The following TDRD12 variants were observed in gnomAD, a reference collection of about 807,000 sequenced individuals.
TDRD12 encodes putative ATP-dependent RNA helicase TDRD12.
Under a neutral mutation model 133.5 loss-of-function variants are expected in TDRD12, and 158 were observed. The observed-to-expected ratio is 1.18, with a 90% CI of 1.04 to 1.35. TDRD12 has a LOEUF of 1.35. Ranked by LOEUF, TDRD12 falls within the 40% of genes most tolerant of loss-of-function variation. TDRD12 has a pLI of 0.00. For synonymous variants in TDRD12, 460 were observed against 477.9 expected, an observed-to-expected ratio of 0.96 and a Z score of 0.49; for missense variants, 1,443 against 1,321.3, an observed-to-expected ratio of 1.09 and a Z score of -1.43.
Position 32,804,223 on chromosome 19 carries a change from C to T in TDRD12, c.2552+1081C>T, listed in dbSNP as rs570981876. On this transcript the variant is annotated intron_variant, in intron 21 of 27. Coordinates refer to ENST00000444215, the Ensembl canonical transcript of TDRD12. Reference sequence around the variant, plus strand: ...GAGTAGCTGGGACTACAGGCACCTGCCACCATGCCCAGCTAATTTTTTGTA... The same window carrying T: ...GAGTAGCTGGGACTACAGGCACCTGTCACCATGCCCAGCTAATTTTTTGTA... Among the ~76,000 whole-genome samples the T allele has an allele frequency of 3.3e-3, 497 of 151,786 alleles. 3 individuals carry two copies. The highest frequency in any genetic ancestry group is 0.014 in the Middle Eastern group (4 of 294).
chr19:32,729,792 T>TC (rs1968987459), intron 1 of TDRD12, among the ~76,000 whole-genome samples: 1 of 123,578 alleles, frequency 8.1e-6, no homozygotes, highest in African/African-American at 3.4e-5. Flanking sequence ...TTTTTTTTTT[T>TC]TTTTTTTTTT....
At chr19:32,793,284 A>G (rs1658605769) in intron 13 of TDRD12, among the ~76,000 whole-genome samples, 1 of 152,194 alleles carries the variant, frequency 6.6e-6, no homozygotes, top group South Asian at 2.1e-4. Context: ...TAGAGTGAAG[A>G]CATTTGCAGA....
intron 11 of TDRD12, among the ~76,000 whole-genome samples, chr19:32,779,392 C>G (rs1258924283): frequency 3.9e-5 from 6 of 152,114 alleles, no homozygotes; most frequent in Non-Finnish European, 1.5e-5. Context: ...CGGGCCTGTT[C>G]CTTCATATAA....
Position 32,803,147 on chromosome 19 carries a change from G to C in TDRD12, c.2552+5G>C. The stretch of plus-strand genomic sequence containing the variant: ...GAAGGCTTTTGGTTTTTGCAAGTGA[G>C]CCAGTAATTTGTTTCTTATTAAACT... On this transcript the variant is annotated splice_donor_5th_base_variant and intron_variant, in intron 21 of 27. Coordinates refer to ENST00000444215, the Ensembl canonical transcript of TDRD12. The C allele has an allele frequency of 6.6e-7, 1 of 1,508,962 alleles. No individual in the cohort carries two copies. Among genetic ancestry groups the C allele is most frequent in the South Asian group, 1.3e-5 (1 of 79,302 alleles). The allele number at this position is 1,508,962 out of a possible 1,614,324, so 93.5% of individuals were successfully genotyped here.
In TDRD12 at chr19:32,826,669, G is replaced by C. The variant is rs1487590650; in HGVS notation, c.1049+71G>C. The C allele has an allele frequency of 4.1e-6, 5 of 1,220,766 alleles. No homozygotes were observed. In the East Asian group the frequency reaches 9.7e-5, roughly 24 times the overall value. The allele number at this position is 1,220,766 out of a possible 1,614,324, so 75.6% of individuals were successfully genotyped here. ...CATATTCACGCGCTCACTGTCAGCT[G>C]TTCTCTTGAACAGAACCCCAACGTG... On this transcript the variant is annotated intron_variant, in intron 9 of 9. Coordinates refer to the TDRD12 transcript ENST00000637289.
intron 10 of TDRD12, among the ~76,000 whole-genome samples, chr19:32,774,515 C>G (rs116712457): frequency 1.3e-3 from 197 of 151,440 alleles, no homozygotes; most frequent in African/African-American, 4.4e-3. Flanking sequence ...GATACCTTTG[C>G]TAGGTGTAGA....
At chr19:32,807,917 T>A (rs1322477474) in intron 22 of TDRD12, among the ~76,000 whole-genome samples, 1 of 152,136 alleles carries the variant, frequency 6.6e-6, no homozygotes, top group Non-Finnish European at 1.5e-5. Context: ...TGTTTCTATT[T>A]GGGGGCCATT....
intron 3 of TDRD12, among the ~76,000 whole-genome samples, chr19:32,741,000 G>T (rs1030586488): frequency 6.6e-6 from 1 of 152,218 alleles, no homozygotes; most frequent in East Asian, 1.9e-4. Flanking sequence ...GAGGATGTCA[G>T]TTTAATAAAT....
At position 32,815,446 on chromosome 19, in the gene TDRD12, A is replaced by G. The variant is rs1452076203; in HGVS notation, c.3142-2A>G. 1 of 1,532,764 alleles carries G rather than the reference A, an allele frequency of 6.5e-7. No individual in the cohort carries two copies. Among genetic ancestry groups the G allele is most frequent in the Non-Finnish European group, 8.7e-7 (1 of 1,145,184 alleles). 94.9% of individuals were successfully genotyped at this position (1,532,764 alleles called of 1,614,324 possible). ...AATGTTCAATTTTTTCATTGATTCA[A>G]GGTGCACATTACAAACCTTTCCAGT... On this transcript the variant is annotated splice_acceptor_variant, in intron 25 of 27. Transcript: ENST00000444215. LOFTEE classifies it high-confidence loss of function.
intron 2 of TDRD12, among the ~76,000 whole-genome samples, chr19:32,737,676 C>T (rs1225613022): frequency 2.6e-5 from 4 of 151,986 alleles, no homozygotes; most frequent in African/African-American, 7.3e-5. Flanking sequence ...ACTACAGGCA[C>T]GTACCACCAT....
At position 32,803,059 on chromosome 19, in the gene TDRD12, C is replaced by A. The variant is rs529600129; in HGVS notation, c.2469C>A (p.Phe823Leu). Residue 823 changes from phenylalanine to leucine, a missense_variant, in exon 21 of 28, where the codon TTC (phenylalanine) becomes TTA (leucine). Physicochemically the swap from Phe to Leu is conservative, Grantham distance 22. Coordinates refer to ENST00000444215, the Ensembl canonical transcript of TDRD12. ...AGGTCCCCGCAGAGCTGTACGAGTT[C>A]ACCGCAGGAGTTCTGGAAGCCAAAG... is the stretch of plus-strand genomic sequence containing the variant. 7.6e-4 allele frequency: 1,174 copies of A among 1,536,102 alleles called. 17 individuals carry two copies. The South Asian group carries it at 0.012, about 16-fold the overall frequency.
intron 8 of TDRD12, 136 bp downstream of exon 8, chr19:32,757,266 A>G (rs569673751): frequency 9.7e-6 from 7 of 721,728 alleles, no homozygotes; most frequent in Non-Finnish European, 1.6e-5. Flanking sequence ...CCAATTTGTG[A>G]TGTAGATCCT....
intron 1 of TDRD12, among the ~76,000 whole-genome samples, chr19:32,729,002 A>G (rs1028187475): frequency 3.3e-5 from 5 of 150,090 alleles, no homozygotes; most frequent in African/African-American, 1.2e-4. Flanking sequence ...GTGTGTGTGT[A>G]TCTATATCTA....
At chr19:32,719,838 G>A (rs1294705444) in exon 1 of TDRD12, 1 of 584,712 alleles carries the variant, frequency 1.7e-6, no homozygotes, top group African/African-American at 1.9e-5. Flanking sequence ...CCCGCAGCGA[G>A]GGGCTGGTTA....
At chr19:32,795,284 G>C (rs987763367) in intron 14 of TDRD12, among the ~76,000 whole-genome samples, 2 of 144,082 alleles carry the variant, frequency 1.4e-5, no homozygotes, top group African/African-American at 5.2e-5. Context: ...AGTGAGCCGA[G>C]ATTATACCAT....
intron 4 of TDRD12, among the ~76,000 whole-genome samples, chr19:32,747,218 G>C (rs1042713782): frequency 5.9e-5 from 9 of 152,124 alleles, no homozygotes; most frequent in African/African-American, 2.2e-4. Flanking sequence ...CTCTTGGGTT[G>C]TTTGCCTTTT....
rs540736636 is a variant in TDRD12 at position 32,801,020 on chromosome 19, G to A, written c.2079+248G>A. ...GCGTTCCCCAGGGCAGGGCAGTTTC[G>A]TCTTGGTGGAGTATTAAAAGTATCA... On this transcript the variant is annotated intron_variant, in intron 18 of 27. Coordinates refer to ENST00000444215, the Ensembl canonical transcript of TDRD12. Among the ~76,000 whole-genome samples the A allele has an allele frequency of 7.9e-5, 12 of 152,004 alleles. No individual in the cohort carries two copies. In the South Asian group the frequency reaches 8.3e-4, roughly 11 times the overall value.
intron 11 of TDRD12, among the ~76,000 whole-genome samples, chr19:32,778,982 A>C (rs1005901351): frequency 3.3e-5 from 5 of 152,170 alleles, no homozygotes; most frequent in African/African-American, 1.2e-4. Context: ...GAAGGCTTTG[A>C]GTTCCTTAGG....
intron 2 of TDRD12, among the ~76,000 whole-genome samples, chr19:32,735,072 A>T (rs553605559): frequency 6.6e-6 from 1 of 152,326 alleles, no homozygotes; most frequent in East Asian, 1.9e-4. Flanking sequence ...TAATAACCCT[A>T]CAATGGCCCC....
Sources: gnomAD v4.1 joint callset for allele counts (sites outside exome capture counted in the v4.1 genomes callset) on GRCh38, gnomAD v4.1.1 for gene constraint, MANE v1.5 for transcripts, NCBI Gene and HGNC (gene_info 2026-07-23, HGNC 2026-07-21) for gene names.